CTBP2: variants seen among roughly 807,000 people sequenced by gnomAD.
The protein encoded by CTBP2 is C-terminal-binding protein 2.
CTBP2 carries 30 observed loss-of-function variants against 80.3 expected under a neutral mutation model. The ratio of observed to expected loss-of-function variants is 0.37; its 90% CI spans 0.28 to 0.51. The LOEUF (loss-of-function observed/expected upper bound fraction) is 0.51, where lower values mean the gene tolerates loss of function less well. Among genes scored for constraint, CTBP2 ranks in the 20% least tolerant of loss-of-function variants. The pLI is 0.93. For synonymous variants in CTBP2, 594 were observed against 587.4 expected (o/e 1.01, Z -0.16); for missense variants, 1,212 against 1,375.3 (o/e 0.88, Z 1.88).
intron 2 of CTBP2, among the ~76,000 whole-genome samples, chr10:125,059,750 C>T (rs1210336838): frequency 1.3e-5 from 2 of 152,144 alleles, no homozygotes; most frequent in Non-Finnish European, 2.9e-5. Flanking sequence ...CAGTGTGCTG[C>T]CCCTCTCGCC....
At chr10:125,158,350 T>C (rs1861307205) in intron 1 of CTBP2, among the ~76,000 whole-genome samples, 1 of 152,204 alleles carries the variant, frequency 6.6e-6, no homozygotes, top group Admixed American at 6.5e-5. Flanking sequence ...TATGAGTCGA[T>C]ATATTTCGCC....
chr10:125,061,144 C>G (rs1295605942), intron 2 of CTBP2, among the ~76,000 whole-genome samples: 1 of 152,228 alleles, frequency 6.6e-6, no homozygotes, highest in Non-Finnish European at 1.5e-5. Context: ...GCTGAGCATA[C>G]TATTTTCAAC....
Position 124,985,902 on chromosome 10 carries a change from T to TATCA in CTBP2, c.*3612_*3615dup, listed in dbSNP as rs1952022633. ...CAGAGGGTCTTCGGATTCTTCCTTC[T>TATCA]ATCACCTCTGCTCTAAGCAAATCTT... On this transcript the variant is annotated 3_prime_UTR_variant, in exon 9 of 9. Coordinates refer to ENST00000309035, the MANE Select transcript of CTBP2 (RefSeq NM_022802.3). 2.6e-5 allele frequency: 3 copies of TATCA among 115,988 alleles called. No homozygotes were observed. Among genetic ancestry groups the TATCA allele is most frequent in the African/African-American group, 7.8e-5 (3 of 38,344 alleles). 7.2% of individuals were successfully genotyped at this position (115,988 alleles called of 1,614,324 possible).
intron 1 of CTBP2, among the ~76,000 whole-genome samples, chr10:125,123,476 G>A (rs1441108606): frequency 6.6e-6 from 1 of 152,202 alleles, no homozygotes; most frequent in Non-Finnish European, 1.5e-5. Context: ...CATTCTGTAT[G>A]TGAATCTGCA....
rs1474856655 is a variant in CTBP2, at chr10:125,019,658, T to C, written c.1678+6424A>G. Among the ~76,000 whole-genome samples, 7 of 152,176 alleles carry C rather than the reference T, an allele frequency of 4.6e-5. No individual in the cohort carries two copies. The South Asian group carries it at 1.2e-3, about 27-fold the overall frequency. ...CTACCTCACACCATATGCAGAACTT[T>C]ACTCAAAGCAGATCAAGACCTCAAT... On this transcript the variant is annotated intron_variant, in intron 1 of 8. Transcript: ENST00000309035.
intron 2 of CTBP2, among the ~76,000 whole-genome samples, chr10:125,070,546 C>T (rs1564846523): frequency 6.7e-6 from 1 of 149,890 alleles, no homozygotes; most frequent in Non-Finnish European, 1.5e-5. Flanking sequence ...GACAGTGAGA[C>T]TCAATTTCTA....
At chr10:125,103,736 G>C (rs568874376) in intron 2 of CTBP2, among the ~76,000 whole-genome samples, 1 of 152,292 alleles carries the variant, frequency 6.6e-6, no homozygotes, top group African/African-American at 2.4e-5. Context: ...GGGTGATAGG[G>C]AGGACTCACT....
intron 2 of CTBP2, among the ~76,000 whole-genome samples, chr10:125,061,955 A>G (rs1321534505): frequency 6.6e-6 from 1 of 152,224 alleles, no homozygotes; most frequent in Non-Finnish European, 1.5e-5. Flanking sequence ...GGCCCAGGGT[A>G]GAAAACAACG....
At chr10:125,031,611 C>T (rs1039613680), upstream of CTBP2, among the ~76,000 whole-genome samples, 10 of 151,760 alleles carry the variant, frequency 6.6e-5, no homozygotes, top group Non-Finnish European at 1.5e-4. Context: ...GGAGGCCACA[C>T]CAAATGCACT....
chr10:125,159,295 G>T (rs1341675516), intron 1 of CTBP2, among the ~76,000 whole-genome samples: 2 of 149,098 alleles, frequency 1.3e-5, no homozygotes, highest in Admixed American at 1.3e-4. Flanking sequence ...CCCGAAAAGT[G>T]CGGCCCGGGC....
At chr10:125,031,318 GTC>G (rs2134790513), upstream of CTBP2, among the ~76,000 whole-genome samples, 1 of 151,768 alleles carries the variant, frequency 6.6e-6, no homozygotes, top group African/African-American at 2.4e-5. Context: ...GCGAAACCCT[GTC>G]TCTACTAAAA....
chr10:125,116,532 G>A (rs1853333784), intron 1 of CTBP2, among the ~76,000 whole-genome samples: 1 of 152,164 alleles, frequency 6.6e-6, no homozygotes, highest in Non-Finnish European at 1.5e-5. Flanking sequence ...AAGCCGAGCT[G>A]TATCAGAAGC....
rs1368606813 is a variant in CTBP2 at position 125,027,035 on chromosome 10, G to A, written c.725C>T (p.Pro242Leu). Residue 242 changes from proline (P) to leucine (L), a missense_variant, in exon 1 of 9, where the codon CCC becomes CTC. Coordinates refer to ENST00000309035, the MANE Select transcript of CTBP2 (RefSeq NM_022802.3). Reference sequence around the variant, plus strand: ...TGGGGCCACCCCTGTGCTGCCTTCGGGGGCAGCAGCTGAACTGGGGTCCAC... The same window carrying A: ...TGGGGCCACCCCTGTGCTGCCTTCGAGGGCAGCAGCTGAACTGGGGTCCAC... 6.2e-7 allele frequency: 1 copy of A among 1,613,578 alleles called. No individual in the cohort carries two copies. Among genetic ancestry groups the A allele is most frequent in the Non-Finnish European group, 8.5e-7 (1 of 1,179,786 alleles).
At chr10:125,117,210 T>C (rs1152697) in intron 1 of CTBP2, among the ~76,000 whole-genome samples, 18,535 of 152,230 alleles carry the variant, frequency 0.12, 1,356 homozygotes, top group East Asian at 0.31. Flanking sequence ...CAACGCATTG[T>C]AACGGGGGCA....
intron 2 of CTBP2, among the ~76,000 whole-genome samples, chr10:125,107,902 T>C (rs1590824437): frequency 6.6e-6 from 1 of 152,400 alleles, no homozygotes; most frequent in East Asian, 1.9e-4. Flanking sequence ...TTAAGGGATT[T>C]GATTTGCATT....
chr10:125,135,441 C>T (rs990277111), intron 1 of CTBP2, among the ~76,000 whole-genome samples: 1 of 152,212 alleles, frequency 6.6e-6, no homozygotes, highest in African/African-American at 2.4e-5. Flanking sequence ...CATCCCCCAT[C>T]GCCTCGTGGG....
At chr10:125,016,706 C>G (rs1408306719) in intron 1 of CTBP2, among the ~76,000 whole-genome samples, 1 of 152,264 alleles carries the variant, frequency 6.6e-6, no homozygotes. Context: ...CCAGGCCCAG[C>G]TCACAGCCAG....
At chr10:125,029,708 G>A (rs915725168), upstream of CTBP2, among the ~76,000 whole-genome samples, 11 of 152,208 alleles carry the variant, frequency 7.2e-5, no homozygotes, top group Middle Eastern at 3.4e-3. Flanking sequence ...GGAGCATTCC[G>A]GGAAAATCCC....
At chr10:125,111,776 C>G (rs79794398) in intron 1 of CTBP2, among the ~76,000 whole-genome samples, 1 of 152,202 alleles carries the variant, frequency 6.6e-6, no homozygotes, top group Non-Finnish European at 1.5e-5. Context: ...GAACTACTTC[C>G]TATGCACACA....
Sources: allele counts gnomAD v4.1 joint callset (sites outside exome capture counted in the v4.1 genomes callset), GRCh38; gene constraint gnomAD v4.1.1; transcripts MANE v1.5; gene names NCBI Gene and HGNC (gene_info 2026-07-23, HGNC 2026-07-21).